Variants in LRRC1 observed in about 807,000 individuals in gnomAD.
The protein encoded by LRRC1 is leucine rich repeat containing 1, also known as leucine-rich repeat-containing protein 1.
In LRRC1, 28 loss-of-function variants were observed where a neutral mutation model predicts 69.9. The observed-to-expected ratio is 0.40, with a 90% CI of 0.30 to 0.55. LRRC1 has a LOEUF of 0.55. LRRC1 is among the 20% of genes least tolerant of loss of function. The probability of loss-of-function intolerance (pLI) is 0.47; values close to 1 mark genes in which losing one functional copy is unlikely to be tolerated. For synonymous variants in LRRC1, 236 were observed against 240.2 expected (o/e 0.98, Z 0.16); for missense variants, 498 against 609.0 (o/e 0.82, Z 1.92).
At chr6:53,901,165 A>C (rs2127437217) in intron 8 of LRRC1, among the ~76,000 whole-genome samples, 1 of 152,328 alleles carries the variant, frequency 6.6e-6, no homozygotes. Flanking sequence ...CATGAGGCTG[A>C]CTTCAAACGT....
chr6:53,886,937 G>T (rs1202868170), intron 4 of LRRC1, among the ~76,000 whole-genome samples: 3 of 152,140 alleles, frequency 2.0e-5, no homozygotes, highest in Non-Finnish European at 2.9e-5. Flanking sequence ...CAGGAACCTT[G>T]GTTGTCCAGT....
intron 1 of LRRC1, among the ~76,000 whole-genome samples, chr6:53,803,467 A>G (rs907724575): frequency 1.3e-5 from 2 of 152,182 alleles, no homozygotes; most frequent in Admixed American, 6.5e-5. Context: ...TCCTAAATGC[A>G]TAGGAGAAAC....
In LRRC1 at chr6:53,919,573, C is replaced by G; in HGVS notation, c.1182C>G (p.Pro394=). The change falls in exon 12 of 14, where the codon CCC becomes CCG. Residue 394 remains proline, a synonymous_variant. Transcript: ENST00000370888. The part of the protein sequence containing the change: ...ALWLSDNQSQ[P]LLTFQTDTDY... The stretch of plus-strand genomic sequence containing the variant: ...GGCTATCTGACAACCAGTCCCAGCC[C>G]CTGCTTACATTCCAGACAGACACAG... The G allele has an allele frequency of 6.2e-7, 1 of 1,613,692 alleles. No homozygotes were observed.
chr6:53,891,718 C>T (rs990501116), intron 4 of LRRC1, among the ~76,000 whole-genome samples: 5 of 152,090 alleles, frequency 3.3e-5, no homozygotes, highest in Non-Finnish European at 5.9e-5. Flanking sequence ...TGTGATGGCT[C>T]ATGCCTGTAA....
chr6:53,813,654 G>A lies in LRRC1; in HGVS notation c.159+18239G>A, dbSNP rs1764866856. Among the ~76,000 whole-genome samples the A allele has an allele frequency of 2.0e-5, 3 of 151,124 alleles. No individual in the cohort carries two copies. In the South Asian group the frequency reaches 6.3e-4, roughly 32 times the overall value. ...CAACAATTTGGAAAATGCACTGTGA[G>A]CTGTAGGAATCAGGTATACAGGTTG... On this transcript the variant is annotated intron_variant, in intron 1 of 13. Transcript: ENST00000370888.
chr6:53,795,190 G>C lies in LRRC1; in HGVS notation c.-67G>C. On this transcript the variant is annotated 5_prime_UTR_variant, in exon 1 of 14. Transcript: ENST00000370888. ...GGCAGCGGACTGAGCGGAGCCGCCG[G>C]CCAGAGCGGGCTCGGAGCCCGGGTC... 6.9e-7 allele frequency: 1 copy of C among 1,440,196 alleles called. No homozygotes were observed. The highest frequency in any genetic ancestry group is 1.3e-5 in the South Asian group (1 of 74,642). The allele number at this position is 1,440,196 out of a possible 1,614,324, so 89.2% of individuals were successfully genotyped here.
chr6:53,837,840 C>T (rs1765655950), intron 1 of LRRC1, among the ~76,000 whole-genome samples: 1 of 152,184 alleles, frequency 6.6e-6, no homozygotes, highest in African/African-American at 2.4e-5. Context: ...AAGGCTGTAT[C>T]TACTAAAAGC....
Position 53,795,230 on chromosome 6 carries a change from C to A in LRRC1, c.-27C>A. 2 of 1,579,286 alleles carry A rather than the reference C, an allele frequency of 1.3e-6. No individual in the cohort carries two copies. The highest frequency in any genetic ancestry group is 1.7e-6 in the Non-Finnish European group (2 of 1,166,670). ...GAGCCCGGGTCTCCGCCGCTCGGGA[C>A]CCGGCTAGGCGGCGGCGGGGGCGGC... is the stretch of plus-strand genomic sequence containing the variant. On this transcript the variant is annotated 5_prime_UTR_variant, in exon 1 of 14. Transcript: ENST00000370888.
chr6:53,896,705 C>A, intron 5 of LRRC1, 124 bp from the exon 6 acceptor site: 2 of 965,508 alleles, frequency 2.1e-6, no homozygotes, highest in Non-Finnish European at 1.6e-6. Flanking sequence ...CCTTCCTGTG[C>A]AATATTTTCT....
intron 2 of LRRC1, among the ~76,000 whole-genome samples, chr6:53,866,077 G>T (rs931828500): frequency 1.3e-5 from 2 of 152,052 alleles, no homozygotes; most frequent in African/African-American, 4.8e-5. Flanking sequence ...TCTGGTTTGA[G>T]TGTGTCCAGG....
intron 1 of LRRC1, among the ~76,000 whole-genome samples, chr6:53,800,815 T>C (rs184842716): frequency 0.013 from 1,952 of 152,078 alleles, 14 homozygotes; most frequent in Admixed American, 0.021. Context: ...AATTTTTGTA[T>C]TTTTAGTAGA....
intron 1 of LRRC1, among the ~76,000 whole-genome samples, chr6:53,798,820 A>G (rs1764379877): frequency 6.6e-6 from 1 of 152,240 alleles, no homozygotes; most frequent in Admixed American, 6.5e-5. Flanking sequence ...CCTTAAGCAT[A>G]TCACTGCTCC....
chr6:53,819,620 T>G (rs1765056776), intron 1 of LRRC1, among the ~76,000 whole-genome samples: 1 of 152,130 alleles, frequency 6.6e-6, no homozygotes, highest in Admixed American at 6.5e-5. Flanking sequence ...AAGAGCACAT[T>G]GGAGACTCTA....
intron 2 of LRRC1, among the ~76,000 whole-genome samples, chr6:53,850,803 G>T (rs887019217): frequency 6.6e-6 from 1 of 152,174 alleles, no homozygotes; most frequent in African/African-American, 2.4e-5. Flanking sequence ...GTGCTCCATA[G>T]AGTCTTTCAG....
chr6:53,838,014 C>T (rs974581474), intron 1 of LRRC1, among the ~76,000 whole-genome samples: 1 of 152,172 alleles, frequency 6.6e-6, no homozygotes, highest in African/African-American at 2.4e-5. Context: ...GGTTGCACTG[C>T]ACTGAGGCTT....
intron 2 of LRRC1, among the ~76,000 whole-genome samples, chr6:53,861,283 C>T (rs1447745157): frequency 1.3e-5 from 2 of 151,822 alleles, no homozygotes; most frequent in Non-Finnish European, 2.9e-5. Context: ...TGTCCTTGAA[C>T]AATGCCCGAG....
At chr6:53,859,209 A>G (rs1233207670) in intron 2 of LRRC1, among the ~76,000 whole-genome samples, 3 of 152,230 alleles carry the variant, frequency 2.0e-5, no homozygotes, top group Non-Finnish European at 4.4e-5. Flanking sequence ...GGGGACATTC[A>G]GGAGTGATGG....
Position 53,864,997 on chromosome 6 carries a change from C to T in LRRC1, c.278-13996C>T, listed in dbSNP as rs192360080. Among the ~76,000 whole-genome samples the T allele has an allele frequency of 4.1e-3, 622 of 152,228 alleles. 14 individuals carry two copies. Among genetic ancestry groups the T allele is most frequent in the South Asian group, 0.039 (187 of 4,814 alleles). ...CCATATGGCTGAAAGGAGGCGATTGCGTGTGCACTCTTGATACCATGGCAG... is the reference window on the plus strand; with the variant it reads ...CCATATGGCTGAAAGGAGGCGATTGTGTGTGCACTCTTGATACCATGGCAG... On this transcript the variant is annotated intron_variant, in intron 2 of 13. Transcript: ENST00000370888.
chr6:53,809,240 C>G (rs1179813305), intron 1 of LRRC1, among the ~76,000 whole-genome samples: 1 of 152,200 alleles, frequency 6.6e-6, no homozygotes, highest in African/African-American at 2.4e-5. Context: ...TATAAAGAGG[C>G]TCTAATGTGC....
Sources: allele counts gnomAD v4.1 joint callset (sites outside exome capture counted in the v4.1 genomes callset), GRCh38; gene constraint gnomAD v4.1.1; transcripts MANE v1.5; gene names NCBI Gene and HGNC (gene_info 2026-07-23, HGNC 2026-07-21).